Variants in SLC11A2 observed in about 807,000 individuals in gnomAD.
The protein encoded by SLC11A2 is natural resistance-associated macrophage protein 2.
A neutral mutation model predicts 68.0 loss-of-function variants in SLC11A2; 38 were observed. That is an observed-to-expected ratio of 0.56 (90% CI 0.43 to 0.73). The LOEUF (loss-of-function observed/expected upper bound fraction) is 0.73, where lower values mean the gene tolerates loss of function less well. Ranked by LOEUF, SLC11A2 falls within the 30% of genes least tolerant of loss-of-function variation. SLC11A2 has a pLI of 0.00. For synonymous variants in SLC11A2, 242 were observed against 250.6 expected, an observed-to-expected ratio of 0.97 and a Z score of 0.32; for missense variants, 517 against 690.5, an observed-to-expected ratio of 0.75 and a Z score of 2.82.
intron 5 of SLC11A2, among the ~76,000 whole-genome samples, chr12:51,001,579 C>T (rs1378409509): frequency 1.7e-5 from 2 of 116,018 alleles, no homozygotes; most frequent in Non-Finnish European, 3.4e-5. Flanking sequence ...AATAAACTTG[C>T]TTTCACAAAA....
chr12:51,000,015 TA>T (rs1023500123), intron 6 of SLC11A2, among the ~76,000 whole-genome samples: 2 of 149,136 alleles, frequency 1.3e-5, no homozygotes, highest in African/African-American at 5.1e-5. Context: ...CTCAAAAAAA[TA>T]AATAAATAAA....
At chr12:50,953,165 G>A in the SLC11A2 span, among the ~76,000 whole-genome samples, 1 of 152,146 alleles carries the variant, frequency 6.6e-6, no homozygotes, top group Non-Finnish European at 1.5e-5. Flanking sequence ...ATTGCACATC[G>A]TGTCCTGGCC....
At chr12:51,012,838 C>G (rs1044864776) in intron 1 of SLC11A2, among the ~76,000 whole-genome samples, 8 of 152,170 alleles carry the variant, frequency 5.3e-5, no homozygotes, top group African/African-American at 1.7e-4. Flanking sequence ...CATCAGCCAA[C>G]AGCCCCCAAT....
chr12:50,964,185 T>C, the SLC11A2 span, among the ~76,000 whole-genome samples: 1 of 152,208 alleles, frequency 6.6e-6, no homozygotes, highest in African/African-American at 2.4e-5. Context: ...TGCATTCATA[T>C]CAAAATAAGG....
downstream of SLC11A2, chr12:50,979,775 G>T (rs1271058673): frequency 2.2e-6 from 1 of 446,078 alleles, no homozygotes; most frequent in Non-Finnish European, 4.5e-6. Context: ...AACGAACATA[G>T]GCAATGTCTG....
At chr12:50,956,356 C>T in the SLC11A2 span, among the ~76,000 whole-genome samples, 1 of 152,086 alleles carries the variant, frequency 6.6e-6, no homozygotes, top group Admixed American at 6.5e-5. Context: ...TGCGCCACTG[C>T]ACTCCAGCCT....
At position 50,990,841 on chromosome 12, in the gene SLC11A2, A is replaced by G. The variant is rs1941076151; in HGVS notation, c.1529T>C (p.Val510Ala). Reference protein sequence around the residue: ...RDLGHVALYVVAAVVSVAYLG... With the variant: ...RDLGHVALYVAAAVVSVAYLG... ...ATAAGCCACGCTGACCACAGCAGCC[A>G]CCACATATAATGCCACATGCCCTAG... is the stretch of plus-strand genomic sequence containing the variant. Residue 510 changes from valine to alanine, a missense_variant, in exon 15 of 16, where the codon GTG becomes GCG. By Grantham distance (64) the Val-to-Ala change is moderately conservative. Transcript: ENST00000262052. The G allele has an allele frequency of 1.2e-6, 2 of 1,614,032 alleles. No individual in the cohort carries two copies. The highest frequency in any genetic ancestry group is 3.3e-5 in the Admixed American group (2 of 59,994).
chr12:50,979,269 T>C (rs550473705), downstream of SLC11A2: 2 of 152,364 alleles, frequency 1.3e-5, no homozygotes, highest in African/African-American at 4.8e-5. Context: ...ATTATGACAT[T>C]TTCTGATTAC....
the SLC11A2 span, chr12:50,970,609 A>G: frequency 1.4e-6 from 1 of 704,570 alleles, no homozygotes; most frequent in Non-Finnish European, 2.5e-6. Context: ...CAAGTGTCAC[A>G]GAATGCTCAT....
chr12:50,972,705 C>T, the SLC11A2 span, among the ~76,000 whole-genome samples: 56 of 152,340 alleles, frequency 3.7e-4, no homozygotes, highest in Middle Eastern at 6.8e-3. Context: ...TCGCCTCACC[C>T]GGGAACCACA....
At chr12:51,025,017 G>C (rs1944285856) in intron 1 of SLC11A2, among the ~76,000 whole-genome samples, 1 of 152,108 alleles carries the variant, frequency 6.6e-6, no homozygotes, top group South Asian at 2.1e-4. Context: ...AAGGTTTCAG[G>C]TTTCATTTAC....
At chr12:50,961,511 G>C in the SLC11A2 span, among the ~76,000 whole-genome samples, 1 of 145,242 alleles carries the variant, frequency 6.9e-6, no homozygotes, top group African/African-American at 2.5e-5. Context: ...TTAGGAAGAA[G>C]ACATTTTTAG....
chr12:51,018,108 C>T (rs1301011577), intron 1 of SLC11A2, among the ~76,000 whole-genome samples: 1 of 152,164 alleles, frequency 6.6e-6, no homozygotes, highest in Non-Finnish European at 1.5e-5. Context: ...TTAAAAACTG[C>T]CCCTGGCTGG....
chr12:51,010,547 C>A, intron 2 of SLC11A2, 148 bp downstream of exon 2: 1 of 559,592 alleles, frequency 1.8e-6, no homozygotes, highest in South Asian at 2.2e-5. Flanking sequence ...TCATTTACAG[C>A]CTAAGTCACC....
intron 5 of SLC11A2, among the ~76,000 whole-genome samples, chr12:51,001,034 A>G (rs1942167712): frequency 6.6e-6 from 1 of 152,020 alleles, no homozygotes; most frequent in South Asian, 2.1e-4. Context: ...GCATGGTGGC[A>G]CATGCCTGTA....
the SLC11A2 span, chr12:50,960,862 T>G: frequency 1.0e-6 from 1 of 954,710 alleles, no homozygotes; most frequent in South Asian, 2.1e-5. Context: ...TTTTTTTTTT[T>G]AGAGATGGGG....
At chr12:51,004,431 T>C (rs1465096049) in intron 5 of SLC11A2, among the ~76,000 whole-genome samples, 1 of 152,100 alleles carries the variant, frequency 6.6e-6, no homozygotes, top group Non-Finnish European at 1.5e-5. Flanking sequence ...AAAGAACATA[T>C]ATAAAATGCA....
chr12:50,961,252 G>GC, the SLC11A2 span: 2 of 846,864 alleles, frequency 2.4e-6, no homozygotes, highest in Non-Finnish European at 1.8e-6. Context: ...TTGAGGTTGT[G>GC]GCCCAGTTGT....
chr12:50,999,428 T>C lies in SLC11A2; in HGVS notation c.537-13A>G. ...CCACAGAGGAATTCTAGGTCAGAGA[T>C]GAGATATGGAAGTCAGAGAGACGGA... On this transcript the variant is annotated splice_polypyrimidine_tract_variant and intron_variant, in intron 6 of 15. Transcript: ENST00000262052. 1.2e-6 allele frequency: 2 copies of C among 1,600,064 alleles called. No homozygotes were observed. Among genetic ancestry groups the C allele is most frequent in the Middle Eastern group, 1.7e-4 (1 of 6,034 alleles).
Sources: gnomAD v4.1 joint callset for allele counts (sites outside exome capture counted in the v4.1 genomes callset) on GRCh38, gnomAD v4.1.1 for gene constraint, MANE v1.5 for transcripts, NCBI Gene and HGNC (gene_info 2026-07-23, HGNC 2026-07-21) for gene names.